PHF20: variants seen among roughly 807,000 people sequenced by gnomAD.
PHF20 encodes the protein glioma-expressed antigen 2.
Under a neutral mutation model 113.5 loss-of-function variants are expected in PHF20, and 23 were observed. That is an observed-to-expected ratio of 0.20 (90% CI 0.15 to 0.29). PHF20 has a LOEUF of 0.29. PHF20 is among the 10% of genes least tolerant of loss of function. PHF20 has a pLI of 1.00. For missense variants in PHF20, 943 were observed against 1,219.6 expected (o/e 0.77, Z 3.38); for synonymous variants, 434 against 457.3 (o/e 0.95, Z 0.65).
chr20:35,779,822 A>G (rs1465518752), intron 1 of PHF20, among the ~76,000 whole-genome samples: 1 of 152,166 alleles, frequency 6.6e-6, no homozygotes, highest in African/African-American at 2.4e-5. Flanking sequence ...TGCCCGGCCA[A>G]TGCCTTTCTT....
intron 2 of PHF20, among the ~76,000 whole-genome samples, chr20:35,818,968 C>G (rs772979315): frequency 6.6e-6 from 1 of 151,434 alleles, no homozygotes; most frequent in African/African-American, 2.4e-5. Context: ...TCTTGCTCTG[C>G]TGCCCAGGCT....
At chr20:35,827,714 C>T (rs1002464418) in intron 2 of PHF20, among the ~76,000 whole-genome samples, 4 of 146,562 alleles carry the variant, frequency 2.7e-5, no homozygotes, top group Non-Finnish European at 3.0e-5. Flanking sequence ...ACCCGGGAGG[C>T]GGAGCTTGCA....
intron 3 of PHF20, among the ~76,000 whole-genome samples, chr20:35,845,675 G>A (rs1244887600): frequency 6.6e-6 from 1 of 152,022 alleles, no homozygotes; most frequent in Non-Finnish European, 1.5e-5. Flanking sequence ...GTGTGCCCTT[G>A]TGCCTGGCTA....
Position 35,948,252 on chromosome 20 carries a change from G to A in PHF20, c.*625G>A, listed in dbSNP as rs1373893257. The A allele has an allele frequency of 6.5e-6, 1 of 152,848 alleles. No homozygotes were observed. The highest frequency in any genetic ancestry group is 1.5e-5 in the Non-Finnish European group (1 of 68,258). 9.5% of individuals were successfully genotyped at this position (152,848 alleles called of 1,614,324 possible). ...GTATGCCTTCACCCCAGAGCTGGCTGGGTTATGGCTTTTGTAGCAGAGCCC... is the reference window on the plus strand; with the variant it reads ...GTATGCCTTCACCCCAGAGCTGGCTAGGTTATGGCTTTTGTAGCAGAGCCC... On this transcript the variant is annotated 3_prime_UTR_variant, in exon 18 of 18. Transcript: ENST00000374012.
intron 1 of PHF20, among the ~76,000 whole-genome samples, chr20:35,777,487 G>C (rs1355725917): frequency 6.6e-6 from 1 of 152,230 alleles, no homozygotes; most frequent in Admixed American, 6.5e-5. Flanking sequence ...TCTGAAGTTT[G>C]AAAGTGTATC....
Position 35,913,253 on chromosome 20 carries a change from A to G in PHF20, c.1566A>G (p.Thr522=), listed in dbSNP as rs1193435214. 1.3e-6 allele frequency: 2 copies of G among 1,598,454 alleles called. No homozygotes were observed. The highest frequency in any genetic ancestry group is 1.7e-5 in the Admixed American group (1 of 58,694). ...AACATTTGTGTTTAATTCTAGCTAC[A>G]AAAGACAAGGAAAAGAATAAAGAGA... The part of the protein sequence containing the change: ...RKRVSASSPT[T]KDKEKNKEKK... The change falls in exon 11 of 18, where the codon ACA becomes ACG. Residue 522 remains threonine, a synonymous_variant. Transcript: ENST00000374012.
chr20:35,831,084 G>T (rs2042349078), intron 2 of PHF20, among the ~76,000 whole-genome samples: 1 of 152,080 alleles, frequency 6.6e-6, no homozygotes, highest in Admixed American at 6.6e-5. Context: ...ATAATGCCAG[G>T]TTAGTTACAA....
At chr20:35,914,310 C>A in intron 12 of PHF20, 113 bp downstream of exon 12, 2 of 1,011,544 alleles carry the variant, frequency 2.0e-6, no homozygotes, top group South Asian at 3.3e-5. Context: ...ACAAATAAAG[C>A]TAGTCAGACA....
chr20:35,876,456 A>G (rs60045557), intron 9 of PHF20, among the ~76,000 whole-genome samples: 7,383 of 151,758 alleles, frequency 0.049, 230 homozygotes, highest in African/African-American at 0.099. Context: ...CTGTAATCCT[A>G]GCTACTCGGG....
chr20:35,871,331 T>C (rs2054417234), intron 8 of PHF20, among the ~76,000 whole-genome samples, 197 bp downstream of exon 8: 1 of 152,232 alleles, frequency 6.6e-6, no homozygotes, highest in African/African-American at 2.4e-5. Context: ...GATGCATTTG[T>C]GGTTGGTTTT....
intron 13 of PHF20, among the ~76,000 whole-genome samples, chr20:35,923,210 G>A (rs529938366): frequency 6.6e-6 from 1 of 152,290 alleles, no homozygotes; most frequent in African/African-American, 2.4e-5. Context: ...ATTGGCACAT[G>A]GGCTGTAGTT....
intron 9 of PHF20, among the ~76,000 whole-genome samples, chr20:35,872,842 T>G (rs2054447508): frequency 6.6e-6 from 1 of 152,242 alleles, no homozygotes; most frequent in Non-Finnish European, 1.5e-5. Flanking sequence ...ATGTTTCATA[T>G]GCACTTGAAA....
At chr20:35,912,168 C>T (rs1047720154) in intron 10 of PHF20, among the ~76,000 whole-genome samples, 6 of 151,400 alleles carry the variant, frequency 4.0e-5, no homozygotes, top group Non-Finnish European at 7.4e-5. Context: ...TTTAGAGAGA[C>T]GGGGTTTCAC....
intron 2 of PHF20, among the ~76,000 whole-genome samples, chr20:35,816,696 C>T (rs1600774831): frequency 6.6e-6 from 1 of 152,070 alleles, no homozygotes; most frequent in Admixed American, 6.6e-5. Context: ...TTATGATTCG[C>T]CCGCCTCAGC....
intron 2 of PHF20, among the ~76,000 whole-genome samples, chr20:35,805,156 G>C (rs868187928): frequency 6.6e-6 from 1 of 151,578 alleles, no homozygotes; most frequent in African/African-American, 2.4e-5. Flanking sequence ...TGCCCAACTC[G>C]GCCTCCTGAG....
chr20:35,882,232 G>A (rs983508606), intron 9 of PHF20, among the ~76,000 whole-genome samples: 1 of 152,088 alleles, frequency 6.6e-6, no homozygotes, highest in Non-Finnish European at 1.5e-5. Flanking sequence ...ACCATAGAAT[G>A]TTATTACACT....
chr20:35,892,428 C>T (rs946552230), intron 9 of PHF20, among the ~76,000 whole-genome samples: 3 of 151,148 alleles, frequency 2.0e-5, no homozygotes, highest in Non-Finnish European at 4.4e-5. Context: ...AGGCAGGTCT[C>T]GAACTCCTGA....
intron 2 of PHF20, among the ~76,000 whole-genome samples, chr20:35,805,873 T>A (rs2041870459): frequency 6.6e-6 from 1 of 151,920 alleles, no homozygotes; most frequent in Admixed American, 6.6e-5. Context: ...TCTTTTTTTT[T>A]TCGTTTGGGA....
At position 35,863,002 on chromosome 20, in the gene PHF20, G is replaced by A; in HGVS notation, c.421-11G>A. The A allele has an allele frequency of 6.5e-7, 1 of 1,543,946 alleles. No individual in the cohort carries two copies. On this transcript the variant is annotated splice_polypyrimidine_tract_variant and intron_variant, in intron 5 of 17. Transcript: ENST00000374012. ...TCACGAAGTGTTTCATCGCTATTTT[G>A]CTCATTTTAGAATATTGTGGGTAAT...
Sources: allele counts gnomAD v4.1 joint callset (sites outside exome capture counted in the v4.1 genomes callset), GRCh38; gene constraint gnomAD v4.1.1; transcripts MANE v1.5; gene names NCBI Gene and HGNC (gene_info 2026-07-23, HGNC 2026-07-21).